The following IKBIP variants were observed in gnomAD, a reference collection of about 807,000 sequenced individuals.
The protein encoded by IKBIP is IKBKB interacting protein.
A neutral mutation model predicts 31.0 loss-of-function variants in IKBIP; 28 were observed. The ratio of observed to expected loss-of-function variants is 0.90; its 90% CI spans 0.67 to 1.24. The LOEUF is 1.24. Among genes scored for constraint, IKBIP ranks in the 50% most tolerant of loss-of-function variants. The probability of loss-of-function intolerance (pLI) is 0.00; values close to 1 mark genes in which losing one functional copy is unlikely to be tolerated. For synonymous variants in IKBIP, 164 were observed against 160.3 expected (o/e 1.02, Z -0.17); for missense variants, 453 against 441.9 (o/e 1.03, Z -0.23).
At chr12:98,640,245 T>C (rs981082901) in intron 1 of IKBIP, among the ~76,000 whole-genome samples, 1 of 152,098 alleles carries the variant, frequency 6.6e-6, no homozygotes. Flanking sequence ...GACACCAGCT[T>C]GACCAATGGA....
At position 98,624,696 on chromosome 12, in the gene IKBIP, T is replaced by C. The variant is rs903335381; in HGVS notation, c.*1234A>G. On this transcript the variant is annotated 3_prime_UTR_variant, in exon 3 of 3. Coordinates refer to ENST00000299157, the MANE Select transcript of IKBIP (RefSeq NM_153687.4). ...TCATAAAACAAATTTAGTGGTGTGG[T>C]TTGGGAAATCTTTAAAATGACGTAT... The C allele has an allele frequency of 2.2e-6, 2 of 889,982 alleles. No homozygotes were observed. The highest frequency in any genetic ancestry group is 2.7e-6 in the Non-Finnish European group (2 of 742,980). 55.1% of individuals were successfully genotyped at this position (889,982 alleles called of 1,614,324 possible). A position where few individuals can be genotyped will look rare whatever the true frequency, so the allele number is the denominator to read the frequency against.
At chr12:98,619,672 T>A (rs1276327520), downstream of IKBIP, among the ~76,000 whole-genome samples, 3 of 151,880 alleles carry the variant, frequency 2.0e-5, no homozygotes, top group African/African-American at 7.3e-5. Context: ...CAGCACTTTG[T>A]GAGGCGGGGT....
At chr12:98,628,153 T>C (rs1212010076) in intron 2 of IKBIP, among the ~76,000 whole-genome samples, 1 of 152,220 alleles carries the variant, frequency 6.6e-6, no homozygotes, top group Non-Finnish European at 1.5e-5. Context: ...CTGAACAAGA[T>C]ACAAAATACT....
At chr12:98,627,302 G>C (rs1297791422) in intron 2 of IKBIP, among the ~76,000 whole-genome samples, 4 of 150,786 alleles carry the variant, frequency 2.7e-5, no homozygotes, top group African/African-American at 9.7e-5. Context: ...AAATACACCT[G>C]AACACACAAT....
At position 98,644,570 on chromosome 12, in the gene IKBIP, T is replaced by G. The variant is rs752406917; in HGVS notation, c.132A>C (p.Arg44=). The change falls in exon 1 of 3, where the codon CGA becomes CGC. Residue 44 remains arginine, a synonymous_variant. Coordinates refer to ENST00000299157, the MANE Select transcript of IKBIP (RefSeq NM_153687.4). The stretch of plus-strand genomic sequence containing the variant: ...CCAGCGACAGCAGGCTCAGGCACGT[T>G]CGGGGGTCTGCCCAGCCCCCGCCTC... The part of the protein sequence containing the change: ...SSGGGGWADP[R]TCLSLLSLGT... 2 of 1,609,038 alleles carry G rather than the reference T, an allele frequency of 1.2e-6. No homozygotes were observed. The highest frequency in any genetic ancestry group is 1.7e-4 in the Middle Eastern group (1 of 5,980).
Position 98,626,277 on chromosome 12 carries a change from C to A in IKBIP, c.787G>T (p.Glu263Ter). The change falls in exon 3 of 3, where the codon GAA becomes TAA. Residue 263 changes from glutamate (E) to a stop codon, truncating the protein, a stop_gained. Transcript: ENST00000299157. LOFTEE classifies it high-confidence loss of function. ...EDLTNKLSDY[E>*]PKVEECKTHL... ...GTCTTGCATTCTTCAACTTTGGGTT[C>A]GTAGTCGGAAAGTTTATTAGTCAGA... 2 of 1,614,126 alleles carry A rather than the reference C, an allele frequency of 1.2e-6. No individual in the cohort carries two copies. The highest frequency in any genetic ancestry group is 1.7e-6 in the Non-Finnish European group (2 of 1,179,994).
chr12:98,626,067 T>C lies in IKBIP; in HGVS notation c.997A>G (p.Ser333Gly). Residue 333 changes from serine to glycine, a missense_variant, in exon 3 of 3, where the codon AGC becomes GGC. Physicochemically the swap from Ser to Gly is moderately conservative, Grantham distance 56. Coordinates refer to ENST00000299157, the MANE Select transcript of IKBIP (RefSeq NM_153687.4). Reference protein sequence around the residue: ...KTLEGIQYDNSILKMQNELDI... With the variant: ...KTLEGIQYDNGILKMQNELDI... The stretch of plus-strand genomic sequence containing the variant: ...AGTTCATTTTGCATCTTTAATATGC[T>C]ATTATCATACTGAATTCCTTCAAGG... The C allele has an allele frequency of 6.3e-7, 1 of 1,597,562 alleles. No individual in the cohort carries two copies. Among genetic ancestry groups the C allele is most frequent in the Non-Finnish European group, 8.5e-7 (1 of 1,171,072 alleles).
chr12:98,616,961 G>A (rs1330925782), intron 2 of IKBIP, among the ~76,000 whole-genome samples: 1 of 152,090 alleles, frequency 6.6e-6, no homozygotes, highest in African/African-American at 2.4e-5. Flanking sequence ...TTGGCTATTC[G>A]GGGTCTAAGG....
chr12:98,622,892 A>C (rs1384944665), downstream of IKBIP, among the ~76,000 whole-genome samples: 1 of 144,812 alleles, frequency 6.9e-6, no homozygotes, highest in Non-Finnish European at 1.5e-5. Context: ...TTACATTTAA[A>C]AATTATATAT....
chr12:98,633,925 T>C (rs1048136880), intron 2 of IKBIP, among the ~76,000 whole-genome samples: 9 of 152,214 alleles, frequency 5.9e-5, no homozygotes, highest in African/African-American at 1.9e-4. Context: ...TCTAATTTTA[T>C]GTCCAAAGAT....
In IKBIP at chr12:98,626,708, T is replaced by G; in HGVS notation, c.356A>C (p.Gln119Pro). 6.2e-7 allele frequency: 1 copy of G among 1,613,906 alleles called. No individual in the cohort carries two copies. The highest frequency in any genetic ancestry group is 8.5e-7 in the Non-Finnish European group (1 of 1,179,938). The part of the protein sequence containing the change: ...EATSSMSLMT[Q>P]FEQEVSNLQD... The stretch of plus-strand genomic sequence containing the variant: ...GAGGTTGGATACTTCCTGCTCAAAC[T>G]GGGTCATCAAAGACATGGATGATGT... Residue 119 changes from glutamine (Q) to proline (P), a missense_variant, in exon 3 of 3, where the codon CAG becomes CCG. Gln to Pro is a moderately conservative substitution (Grantham distance 76). Coordinates refer to ENST00000299157, the MANE Select transcript of IKBIP (RefSeq NM_153687.4).
intron 2 of IKBIP, among the ~76,000 whole-genome samples, chr12:98,632,513 ATAT>A (rs1170633017): frequency 2.8e-3 from 38 of 13,670 alleles, no homozygotes; most frequent in African/African-American, 4.3e-3. Flanking sequence ...AAAAAAAAAA[ATAT>A]ATATATATAT....
At chr12:98,632,152 C>G (rs186409998) in intron 2 of IKBIP, among the ~76,000 whole-genome samples, 1 of 152,084 alleles carries the variant, frequency 6.6e-6, no homozygotes, top group African/African-American at 2.4e-5. Flanking sequence ...CCGCGTCCGG[C>G]CTTCAATAGC....
In IKBIP at chr12:98,626,193, T is replaced by C; in HGVS notation, c.871A>G (p.Ile291Val). Residue 291 changes from isoleucine to valine, a missense_variant, in exon 3 of 3, where the codon ATA (isoleucine) becomes GTA (valine). Transcript: ENST00000299157. ...TCTTCCATTTTCTTTTCTGTTTCTA[T>C]CAGATCCTGAGAGACTCTGAGAACA... Reference protein sequence around the residue: ...HSVLRVSQDLIETEKKMEDLT... With the variant: ...HSVLRVSQDLVETEKKMEDLT... The C allele has an allele frequency of 6.2e-7, 1 of 1,613,996 alleles. No homozygotes were observed. Among genetic ancestry groups the C allele is most frequent in the Non-Finnish European group, 8.5e-7 (1 of 1,179,888 alleles).
At position 98,624,576 on chromosome 12, in the gene IKBIP, T is replaced by C; in HGVS notation, c.*1354A>G. 3 of 956,026 alleles carry C rather than the reference T, an allele frequency of 3.1e-6. No individual in the cohort carries two copies. Among genetic ancestry groups the C allele is most frequent in the Non-Finnish European group, 3.7e-6 (3 of 803,176 alleles). The allele number at this position is 956,026 out of a possible 1,614,324, so 59.2% of individuals were successfully genotyped here. On this transcript the variant is annotated 3_prime_UTR_variant, in exon 3 of 3. Transcript: ENST00000299157. ...GTGTTTAATTCCATCAAAAACTGCA[T>C]TATAAAACTGGTAAGGTTATTGACA... is the stretch of plus-strand genomic sequence containing the variant.
At chr12:98,634,443 C>G in intron 1 of IKBIP, 30 bp from the exon 2 acceptor site, 1 of 1,062,300 alleles carries the variant, frequency 9.4e-7, no homozygotes. Flanking sequence ...TCACTATTCT[C>G]CAATTCATAT....
downstream of IKBIP, among the ~76,000 whole-genome samples, chr12:98,621,209 A>T (rs2097609943): frequency 6.6e-6 from 1 of 152,156 alleles, no homozygotes; most frequent in Non-Finnish European, 1.5e-5. Flanking sequence ...AGATTGTGCC[A>T]CTGCACTCCA....
rs916837435 is a variant in IKBIP, at chr12:98,644,597, G to T, written c.105C>A (p.Ser35Arg). 2.5e-6 allele frequency: 4 copies of T among 1,609,746 alleles called. No homozygotes were observed. Among genetic ancestry groups the T allele is most frequent in the Non-Finnish European group, 3.4e-6 (4 of 1,178,622 alleles). The change falls in exon 1 of 3, where the codon AGC becomes AGA. Residue 35 changes from serine (S) to arginine (R), a missense_variant. By Grantham distance (110) the Ser-to-Arg change is moderately radical. Coordinates refer to ENST00000299157, the MANE Select transcript of IKBIP (RefSeq NM_153687.4). ...GGGGGTCTGCCCAGCCCCCGCCTCC[G>T]CTGCTCCGGGCCACGGGGGTCTTCC... ...EGGKTPVARS[S>R]GGGGWADPRT...
downstream of IKBIP, among the ~76,000 whole-genome samples, chr12:98,623,560 C>CTTT (rs35433597): frequency 0.045 from 2,876 of 64,174 alleles, no homozygotes; most frequent in Non-Finnish European, 0.056. Flanking sequence ...CCTCCTTACA[C>CTTT]TTTTTTTTTT....
Sources: gnomAD v4.1 joint callset for allele counts (sites outside exome capture counted in the v4.1 genomes callset) on GRCh38, gnomAD v4.1.1 for gene constraint, MANE v1.5 for transcripts, NCBI Gene and HGNC (gene_info 2026-07-23, HGNC 2026-07-21) for gene names.